Variants in SYNE1 observed in about 807,000 individuals in gnomAD.
SYNE1 encodes the protein spectrin repeat containing nuclear envelope protein 1.
In SYNE1, 616 loss-of-function variants were observed where a neutral mutation model predicts 1,111.0. The observed-to-expected ratio is 0.55, with a 90% CI of 0.52 to 0.59. SYNE1 has a LOEUF of 0.59. SYNE1 is among the 20% of genes least tolerant of loss of function. The pLI is 0.00. For synonymous variants in SYNE1, 3,855 were observed against 3,825.8 expected, an observed-to-expected ratio of 1.01 and a Z score of -0.28; for missense variants, 10,006 against 10,417.0, an observed-to-expected ratio of 0.96 and a Z score of 1.72.
intron 142 of SYNE1, 23 bp from the exon 143 acceptor site, chr6:152,133,511 A>G (rs1460037159): frequency 5.6e-6 from 9 of 1,611,598 alleles, no homozygotes; most frequent in Non-Finnish European, 7.6e-6. Flanking sequence ...AAACAAATTA[A>G]TTTTTCTAAG....
At chr6:152,542,229 G>T (rs916478443) in intron 3 of SYNE1, among the ~76,000 whole-genome samples, 2 of 152,090 alleles carry the variant, frequency 1.3e-5, no homozygotes, top group East Asian at 3.9e-4. Flanking sequence ...ACAGCAACTT[G>T]GTTCCCAATG....
At chr6:152,570,036 T>C (rs955980506) in intron 3 of SYNE1, among the ~76,000 whole-genome samples, 1 of 152,208 alleles carries the variant, frequency 6.6e-6, no homozygotes, top group Non-Finnish European at 1.5e-5. Context: ...TCTGAAATAA[T>C]TTAAAAACAA....
At chr6:152,291,680 C>G (rs1009299044) in intron 95 of SYNE1, among the ~76,000 whole-genome samples, 2 of 152,098 alleles carry the variant, frequency 1.3e-5, no homozygotes, top group Non-Finnish European at 2.9e-5. Context: ...TCATGCAGCT[C>G]CTAACTATTG....
chr6:152,318,754 G>T, intron 85 of SYNE1, 109 bp downstream of exon 85: 3 of 1,303,570 alleles, frequency 2.3e-6, no homozygotes, highest in South Asian at 1.3e-5. Flanking sequence ...GTTACTATTT[G>T]GTTTTAAAAA....
chr6:152,470,413 A>C (rs7771568), intron 16 of SYNE1, among the ~76,000 whole-genome samples: 78,946 of 151,948 alleles, frequency 0.52, 22,265 homozygotes, highest in East Asian at 0.76. Flanking sequence ...TTCATATTTG[A>C]AGAACTAACG....
At chr6:152,252,474 T>C (rs151101198) in intron 104 of SYNE1, among the ~76,000 whole-genome samples, 4 of 152,302 alleles carry the variant, frequency 2.6e-5, no homozygotes, top group African/African-American at 7.2e-5. Flanking sequence ...TAATTGACTT[T>C]ATTGTGATTC....
At chr6:152,193,709 A>C (rs931763987) in intron 127 of SYNE1, among the ~76,000 whole-genome samples, 1 of 151,938 alleles carries the variant, frequency 6.6e-6, no homozygotes, top group Non-Finnish European at 1.5e-5. Flanking sequence ...TCATCTTTCT[A>C]CTTAAGGTAT....
chr6:152,510,976 T>C (rs755336152), intron 7 of SYNE1, 35 bp downstream of exon 7: 15 of 1,576,342 alleles, frequency 9.5e-6, no homozygotes, highest in African/African-American at 2.7e-5. Flanking sequence ...CTCTGAGACA[T>C]TGCATCAACT....
chr6:152,243,382 G>A (rs2086257131), intron 106 of SYNE1, among the ~76,000 whole-genome samples: 1 of 152,170 alleles, frequency 6.6e-6, no homozygotes, highest in Non-Finnish European at 1.5e-5. Context: ...CAAATGTGGT[G>A]GAGTATATAA....
At chr6:152,502,270 C>A (rs1205025793) in intron 10 of SYNE1, among the ~76,000 whole-genome samples, 1 of 152,126 alleles carries the variant, frequency 6.6e-6, no homozygotes, top group Non-Finnish European at 1.5e-5. Context: ...TAGATTTGAT[C>A]AGATCAACCA....
chr6:152,291,360 AC>A (rs2094600010), intron 95 of SYNE1, among the ~76,000 whole-genome samples: 1 of 151,530 alleles, frequency 6.6e-6, no homozygotes, highest in South Asian at 2.1e-4. Flanking sequence ...AATTAGCTGT[AC>A]CTCCTTACTG....
intron 104 of SYNE1, among the ~76,000 whole-genome samples, chr6:152,253,997 A>C (rs1214634851): frequency 6.6e-6 from 1 of 151,456 alleles, no homozygotes; most frequent in Non-Finnish European, 1.5e-5. Flanking sequence ...GGAATGAAAA[A>C]TCAGCACTAA....
chr6:152,284,288 C>A, intron 95 of SYNE1, 116 bp from the exon 96 acceptor site: 1 of 1,084,260 alleles, frequency 9.2e-7, no homozygotes, highest in Non-Finnish European at 1.4e-6. Context: ...ACCTGGGAAT[C>A]ATTAATCAAT....
At chr6:152,438,731 A>G (rs2098499508) in intron 32 of SYNE1, among the ~76,000 whole-genome samples, 1 of 152,246 alleles carries the variant, frequency 6.6e-6, no homozygotes, top group Non-Finnish European at 1.5e-5. Context: ...AGGACACTCA[A>G]GTCCCTTAGC....
In SYNE1 at chr6:152,435,930, C is replaced by T. The variant is rs1188373745; in HGVS notation, c.4310+11G>A. 1.2e-6 allele frequency: 2 copies of T among 1,613,832 alleles called. No individual in the cohort carries two copies. The highest frequency in any genetic ancestry group is 2.7e-5 in the African/African-American group (2 of 74,912). Reference sequence around the variant, plus strand: ...TCAGAGAAGAAAGTTTAGGACTTGTCAATCACATACTCTTCTTCAAGCGTG... The same window carrying T: ...TCAGAGAAGAAAGTTTAGGACTTGTTAATCACATACTCTTCTTCAAGCGTG... On this transcript the variant is annotated intron_variant, in intron 33 of 145. Coordinates refer to ENST00000367255, the MANE Select transcript of SYNE1 (RefSeq NM_182961.4).
intron 6 of SYNE1, chr6:152,511,727 A>T: frequency 1.1e-6 from 1 of 896,076 alleles, no homozygotes; most frequent in Non-Finnish European, 1.8e-6. Context: ...TTTAAAGAAA[A>T]ACAAAGGAAA....
At chr6:152,278,489 A>G (rs2093797207) in intron 97 of SYNE1, among the ~76,000 whole-genome samples, 1 of 151,684 alleles carries the variant, frequency 6.6e-6, no homozygotes, top group Non-Finnish European at 1.5e-5. Flanking sequence ...TTTAGACAGA[A>G]TCTCACTCTG....
Position 152,218,364 on chromosome 6 carries a change from C to T in SYNE1, c.22084G>A (p.Glu7362Lys). The T allele has an allele frequency of 1.2e-6, 2 of 1,613,694 alleles. No individual in the cohort carries two copies. Among genetic ancestry groups the T allele is most frequent in the African/African-American group, 1.3e-5 (1 of 74,910 alleles). ...TCCACTATCCAGGCCTCCAAAGCTT[C>T]TAAACTCTTGGCAAAGGTTTCATAA... is the stretch of plus-strand genomic sequence containing the variant. ...LDYETFAKSLEALEAWIVEAE... is the reference protein window; with the variant it reads ...LDYETFAKSLKALEAWIVEAE... Residue 7362 changes from glutamate (E) to lysine (K), a missense_variant, in exon 121 of 146, where the codon GAA becomes AAA. Physicochemically the swap from Glu to Lys is moderately conservative, Grantham distance 56 (BLOSUM62 1). Transcript: ENST00000367255.
intron 125 of SYNE1, among the ~76,000 whole-genome samples, chr6:152,207,622 A>G (rs2763026): frequency 0.86 from 131,295 of 152,208 alleles, 56,761 homozygotes; most frequent in African/African-American, 0.91. Flanking sequence ...CTTCTTTGGA[A>G]TACTCAAGTT....
Sources: allele counts gnomAD v4.1 joint callset (sites outside exome capture counted in the v4.1 genomes callset), GRCh38; gene constraint gnomAD v4.1.1; transcripts MANE v1.5; gene names NCBI Gene and HGNC (gene_info 2026-07-23, HGNC 2026-07-21).